The following RNASET2 variants were observed in gnomAD, a reference collection of about 807,000 sequenced individuals.
The protein encoded by RNASET2 is ribonuclease 6.
In RNASET2, 28 loss-of-function variants were observed where a neutral mutation model predicts 33.9. That is an observed-to-expected ratio of 0.83 (90% confidence interval 0.61 to 1.13). RNASET2 has a LOEUF of 1.13. Ranked by LOEUF, RNASET2 falls within the 50% of genes most tolerant of loss-of-function variation. The pLI, the probability that RNASET2 is intolerant of heterozygous loss-of-function variation, is 0.00. For synonymous variants in RNASET2, 123 were observed against 121.0 expected (o/e 1.02, Z -0.11); for missense variants, 330 against 319.9 (o/e 1.03, Z -0.24).
chr6:166,956,043 AAGCTCTAGGGCCC>A, intron 1 of RNASET2, 41 bp downstream of exon 1: 1 of 1,504,888 alleles, frequency 6.6e-7, no homozygotes, highest in Non-Finnish European at 9.1e-7. Flanking sequence ...ACCCAGTGGA[AAGCTCTAGGGCCC>A]GGCTCCCACG....
rs571694833 is a variant in RNASET2 at position 166,955,334 on chromosome 6, C to G, written c.86+763G>C. On this transcript the variant is annotated intron_variant, in intron 1 of 8. Coordinates refer to ENST00000508775, the MANE Select transcript of RNASET2 (RefSeq NM_003730.6). Reference sequence around the variant, plus strand: ...ACACACACGCACACACACGCACGCACGCACACGCACACGCACGCACACACA... The same window carrying G: ...ACACACACGCACACACACGCACGCAGGCACACGCACACGCACGCACACACA... 2.3e-3 allele frequency: 226 copies of G among 100,114 alleles called. 9 individuals are homozygous for G. Among genetic ancestry groups the G allele is most frequent in the Non-Finnish European group, 2.7e-3 (198 of 73,950 alleles). The allele number at this position is 100,114 out of a possible 1,614,324, so 6.2% of individuals were successfully genotyped here.
intron 5 of RNASET2, among the ~76,000 whole-genome samples, chr6:166,941,241 C>T (rs1011713517): frequency 6.6e-6 from 1 of 152,096 alleles, no homozygotes; most frequent in East Asian, 1.9e-4. Context: ...TATCAGAGCC[C>T]AAAAATAAAT....
chr6:166,931,059 G>A lies in RNASET2; in HGVS notation c.552C>T (p.Cys184=). 6.2e-7 allele frequency: 1 copy of A among 1,611,656 alleles called. No homozygotes were observed. Among genetic ancestry groups the A allele is most frequent in the Non-Finnish European group, 8.5e-7 (1 of 1,177,750 alleles). ...RVYGVIPKIQ[C]LPPSQDEEVQ... is the part of the protein sequence containing the mutation. Reference sequence around the variant, plus strand: ...ACTGTCTAACCTGGCTTGGTGGAAGGCACTGGATTTTGGGTATCACTCCAT... The same window carrying A: ...ACTGTCTAACCTGGCTTGGTGGAAGACACTGGATTTTGGGTATCACTCCAT... The change falls in exon 8 of 9, where the codon TGC becomes TGT. Residue 184 remains cysteine, a synonymous_variant. Coordinates refer to ENST00000508775, the MANE Select transcript of RNASET2 (RefSeq NM_003730.6).
At chr6:166,930,874 ACATG>A (rs1464663112) in intron 8 of RNASET2, among the ~76,000 whole-genome samples, 166 bp downstream of exon 8, 1 of 151,610 alleles carries the variant, frequency 6.6e-6, no homozygotes, top group Non-Finnish European at 1.5e-5. Context: ...GCACATGCAC[ACATG>A]CATGTACACA....
At chr6:166,934,187 TTTCTTG>T in intron 6 of RNASET2, 51 bp from the exon 7 acceptor site, 1 of 1,160,116 alleles carries the variant, frequency 8.6e-7, no homozygotes, top group Admixed American at 1.7e-5. Flanking sequence ...TCCACTTTGC[TTTCTTG>T]TTCTTTTCAG....
chr6:166,935,687 TA>T (rs1778549464), intron 6 of RNASET2, among the ~76,000 whole-genome samples: 1 of 152,244 alleles, frequency 6.6e-6, no homozygotes, highest in African/African-American at 2.4e-5. Flanking sequence ...TATTCTATTT[TA>T]TTTTTTTGAC....
intron 5 of RNASET2, 29 bp from the exon 6 acceptor site, chr6:166,939,037 A>T: frequency 6.5e-7 from 1 of 1,531,730 alleles, no homozygotes; most frequent in South Asian, 1.1e-5. Flanking sequence ...ATCTCCACTT[A>T]AAAGTAGTGA....
intron 1 of RNASET2, chr6:166,955,777 C>T: frequency 7.9e-7 from 1 of 1,267,450 alleles, no homozygotes; most frequent in South Asian, 1.7e-5. Context: ...GTGCCCAGGG[C>T]TCCCCCCAAC....
At chr6:166,934,362 C>G in intron 6 of RNASET2, 1 of 542,788 alleles carries the variant, frequency 1.8e-6, no homozygotes. Flanking sequence ...GGCAGGTACC[C>G]TTTCCAGTTC....
chr6:166,946,359 C>T (rs182260819), intron 4 of RNASET2, among the ~76,000 whole-genome samples: 27 of 152,212 alleles, frequency 1.8e-4, no homozygotes, highest in Admixed American at 4.6e-4. Flanking sequence ...TGGGACGAGG[C>T]GGGGCTGGCG....
chr6:166,935,895 G>T (rs1778554545), intron 6 of RNASET2, among the ~76,000 whole-genome samples: 1 of 152,134 alleles, frequency 6.6e-6, no homozygotes, highest in African/African-American at 2.4e-5. Context: ...GGCTGTTCAT[G>T]AACTCCTGAC....
chr6:166,948,848 G>A (rs866725675), intron 2 of RNASET2, among the ~76,000 whole-genome samples: 1 of 152,140 alleles, frequency 6.6e-6, no homozygotes, highest in Non-Finnish European at 1.5e-5. Flanking sequence ...TAAGCCAAAC[G>A]TCAAACAACT....
chr6:166,947,835 C>T (rs1041038321), intron 3 of RNASET2, among the ~76,000 whole-genome samples: 5 of 152,092 alleles, frequency 3.3e-5, no homozygotes, highest in Non-Finnish European at 5.9e-5. Context: ...CACAGTTCAG[C>T]GTCACAAGTA....
In RNASET2 at chr6:166,933,822, C is replaced by A; in HGVS notation, c.492+269G>T. On this transcript the variant is annotated intron_variant, in intron 7 of 8. Transcript: ENST00000508775. This position sits in a 1 kb window ranked among gnomAD's most constrained non-coding sequence, Gnocchi z 4.1. ...GTGACTCTTGAAACTGCAGATTCCA[C>A]CTGCTCTGCCGGACCCTGGAGCACA... is the stretch of plus-strand genomic sequence containing the variant. 1.9e-6 allele frequency: 1 copy of A among 532,156 alleles called. No individual in the cohort carries two copies. The highest frequency in any genetic ancestry group is 3.3e-6 in the Non-Finnish European group (1 of 298,994). The allele number at this position is 532,156 out of a possible 1,614,324, so 33.0% of individuals were successfully genotyped here. A position where few individuals can be genotyped will look rare whatever the true frequency, so the allele number is the denominator to read the frequency against.
Position 166,923,639 on chromosome 6 carries a change from G to GA in RNASET2, c.*5948dup, listed in dbSNP as rs67263605. ...GAAAAAAAAAATAGAATTCTTATCA[G>GA]AAAAAAAATGACATAAAACTGCATT... On this transcript the variant is annotated 3_prime_UTR_variant, in exon 9 of 9. Coordinates refer to ENST00000508775, the MANE Select transcript of RNASET2 (RefSeq NM_003730.6). Among the ~76,000 whole-genome samples the GA allele has an allele frequency of 2.0e-5, 3 of 151,670 alleles. No individual in the cohort carries two copies. The highest frequency in any genetic ancestry group is 4.8e-5 in the African/African-American group (2 of 41,242).
chr6:166,955,255 A>ACACGCGCG (rs1779098592), intron 1 of RNASET2, among the ~76,000 whole-genome samples: 1 of 110,210 alleles, frequency 9.1e-6, no homozygotes, highest in South Asian at 2.9e-4. Flanking sequence ...ACACGCACAC[A>ACACGCGCG]CGCACACACA....
Position 166,926,325 on chromosome 6 carries a change from G to A in RNASET2, c.*3263C>T, listed in dbSNP as rs911886003. ...GGCTGAGGCAGGCAGATCACCTGAG[G>A]TCAGGAGTTCCAGACCAGCCTGGCC... On this transcript the variant is annotated 3_prime_UTR_variant, in exon 9 of 9. Coordinates refer to ENST00000508775, the MANE Select transcript of RNASET2 (RefSeq NM_003730.6). Among the ~76,000 whole-genome samples, 4 of 151,602 alleles carry A rather than the reference G, an allele frequency of 2.6e-5. No homozygotes were observed. Among genetic ancestry groups the A allele is most frequent in the African/African-American group, 9.7e-5 (4 of 41,252 alleles).
At chr6:166,955,237 A>ACACACG (rs1554270001) in intron 1 of RNASET2, among the ~76,000 whole-genome samples, 1 of 118,602 alleles carries the variant, frequency 8.4e-6, no homozygotes, top group Admixed American at 7.9e-5. Flanking sequence ...ACACGCACGC[A>ACACACG]CGCACACACA....
chr6:166,923,228 C>CTTTTTTTTTTTTTTTTTTTTTTTTTTTT lies in RNASET2; in HGVS notation c.*6359_*6360insAAAAAAAAAAAAAAAAAAAAAAAAAAAA, dbSNP rs576639665. ...ACAGGCGTGAGCCACCAGGCCCGGC[C>CTTTTTTTTTTTTTTTTTTTTTTTTTTTT]TTTTTTTTTTTTTTTTTTTTTGAGA... On this transcript the variant is annotated 3_prime_UTR_variant, in exon 9 of 9. Transcript: ENST00000508775. Among the ~76,000 whole-genome samples, 4 of 102,670 alleles carry CTTTTTTTTTTTTTTTTTTTTTTTTTTTT rather than the reference C, an allele frequency of 3.9e-5. 1 individual carries two copies. Among genetic ancestry groups the CTTTTTTTTTTTTTTTTTTTTTTTTTTTT allele is most frequent in the African/African-American group, 2.1e-4 (4 of 19,108 alleles). 67.4% of individuals were successfully genotyped at this position (102,670 alleles called of 152,430 possible).
Sources: gnomAD v4.1 joint callset for allele counts (sites outside exome capture counted in the v4.1 genomes callset) on GRCh38, gnomAD v4.1.1 for gene constraint, Gnocchi (gnomAD v3.1) non-coding constraint, MANE v1.5 for transcripts, NCBI Gene and HGNC (gene_info 2026-07-23, HGNC 2026-07-21) for gene names.